The following PPP4R2 variants were observed in gnomAD, a reference collection of about 807,000 sequenced individuals.
PPP4R2 encodes the protein protein phosphatase 4 regulatory subunit 2.
Under a neutral mutation model 47.2 loss-of-function variants are expected in PPP4R2, and 13 were observed. The observed-to-expected ratio is 0.28, with a 90% CI of 0.18 to 0.44. PPP4R2 has a LOEUF of 0.44. PPP4R2 is among the 20% of genes least tolerant of loss of function. PPP4R2 has a pLI of 1.00. For missense variants in PPP4R2, 421 were observed against 491.2 expected, an observed-to-expected ratio of 0.86 and a Z score of 1.35; for synonymous variants, 151 against 163.3, an observed-to-expected ratio of 0.92 and a Z score of 0.57.
chr3:73,049,982 C>T (rs1575878235), intron 3 of PPP4R2, among the ~76,000 whole-genome samples: 1 of 152,000 alleles, frequency 6.6e-6, no homozygotes, highest in Non-Finnish European at 1.5e-5. Context: ...TCTTTGTCAC[C>T]CAGGCTGGAG....
chr3:73,063,844 C>T (rs1247625721), intron 6 of PPP4R2, 97 bp downstream of exon 6: 14 of 1,117,062 alleles, frequency 1.3e-5, no homozygotes, highest in Admixed American at 5.8e-5. Flanking sequence ...ATTTTATGGA[C>T]ACCATAGGAT....
intron 2 of PPP4R2, among the ~76,000 whole-genome samples, chr3:73,032,191 ACTTT>A (rs1269409199): frequency 6.6e-6 from 1 of 152,184 alleles, no homozygotes; most frequent in Non-Finnish European, 1.5e-5. Context: ...AAGTCTGTGT[ACTTT>A]CTTTTATTTC....
chr3:72,998,266 T>G, intron 2 of PPP4R2, 108 bp downstream of exon 2: 1 of 685,180 alleles, frequency 1.5e-6, no homozygotes, highest in Admixed American at 3.1e-5. Flanking sequence ...CATTCTAAAT[T>G]GTAGAAGTCC....
chr3:73,061,071 T>G lies in PPP4R2; in HGVS notation c.419+11T>G. On this transcript the variant is annotated intron_variant, in intron 5 of 8. Transcript: ENST00000356692. ...TTATCCTTCTTCAGAGTAAGTATAT[T>G]TTTTCTATTTCTAGTATATTATTTA... 7 of 1,412,338 alleles carry G rather than the reference T, an allele frequency of 5.0e-6. No homozygotes were observed. The highest frequency in any genetic ancestry group is 6.8e-6 in the Non-Finnish European group (7 of 1,030,110). The allele number at this position is 1,412,338 out of a possible 1,614,324, so 87.5% of individuals were successfully genotyped here.
chr3:73,014,778 G>T, intron 2 of PPP4R2: 188 of 376,442 alleles, frequency 5.0e-4, no homozygotes, highest in East Asian at 9.5e-4. Flanking sequence ...TAAAAAAATT[G>T]CCTGTATCAT....
At chr3:73,003,222 T>G (rs1701519081) in intron 2 of PPP4R2, among the ~76,000 whole-genome samples, 1 of 151,988 alleles carries the variant, frequency 6.6e-6, no homozygotes, top group Non-Finnish European at 1.5e-5. Flanking sequence ...CTTTTGTTTT[T>G]TTTTTTTGAG....
intron 2 of PPP4R2, among the ~76,000 whole-genome samples, chr3:73,006,889 A>G (rs1227594523): frequency 6.6e-6 from 1 of 152,166 alleles, no homozygotes; most frequent in Non-Finnish European, 1.5e-5. Flanking sequence ...TCTCTCTGTC[A>G]CAGATCCCAG....
At chr3:73,031,961 A>G (rs1702172323) in intron 2 of PPP4R2, among the ~76,000 whole-genome samples, 2 of 152,176 alleles carry the variant, frequency 1.3e-5, no homozygotes, top group African/African-American at 2.4e-5. Context: ...ACTAAATATT[A>G]TTATCCCTGT....
At chr3:73,007,352 A>G (rs1430943147) in intron 2 of PPP4R2, among the ~76,000 whole-genome samples, 3 of 152,210 alleles carry the variant, frequency 2.0e-5, no homozygotes, top group African/African-American at 7.2e-5. Context: ...AAGGTGGTTT[A>G]AAAGTAGTTA....
At chr3:73,023,188 T>TG (rs1232255969) in intron 2 of PPP4R2, among the ~76,000 whole-genome samples, 14 of 151,602 alleles carry the variant, frequency 9.2e-5, no homozygotes, top group Admixed American at 3.9e-4. Context: ...TTCCTTTTTT[T>TG]TGTTTTTTTT....
intron 2 of PPP4R2, among the ~76,000 whole-genome samples, chr3:73,002,202 A>G (rs1286716652): frequency 6.6e-6 from 1 of 152,186 alleles, no homozygotes; most frequent in Non-Finnish European, 1.5e-5. Context: ...TTGCTGAATA[A>G]TATACCACAT....
At chr3:73,040,140 A>G (rs1702346646) in intron 2 of PPP4R2, among the ~76,000 whole-genome samples, 1 of 152,196 alleles carries the variant, frequency 6.6e-6, no homozygotes, top group African/African-American at 2.4e-5. Context: ...ACATAAAACA[A>G]GTGTCTTGTG....
chr3:73,047,441 T>TAATG, intron 3 of PPP4R2, 85 bp downstream of exon 3: 2 of 712,954 alleles, frequency 2.8e-6, no homozygotes, highest in African/African-American at 4.7e-5. Context: ...GTCTGGTTGA[T>TAATG]GATTGATTAT....
At chr3:73,015,327 G>A (rs527626507) in intron 2 of PPP4R2, among the ~76,000 whole-genome samples, 2 of 151,822 alleles carry the variant, frequency 1.3e-5, no homozygotes, top group East Asian at 3.9e-4. Context: ...TTACAGGTGT[G>A]TATCATGCCC....
chr3:73,055,330 G>GT, intron 3 of PPP4R2, among the ~76,000 whole-genome samples: 1 of 151,850 alleles, frequency 6.6e-6, no homozygotes, highest in African/African-American at 2.4e-5. Flanking sequence ...AAGTGTACTT[G>GT]TAGAACCCTT....
chr3:73,026,870 G>C (rs893316129), intron 2 of PPP4R2, among the ~76,000 whole-genome samples: 5 of 152,136 alleles, frequency 3.3e-5, no homozygotes, highest in Admixed American at 2.6e-4. Context: ...TTAGAGTATG[G>C]ATTCTGAAGC....
In PPP4R2 at chr3:73,003,999, C is replaced by T. The variant is rs182285046; in HGVS notation, c.116+5841C>T. 4.0e-5 allele frequency among the ~76,000 whole-genome samples: 6 copies of T among 151,270 alleles called. No homozygotes were observed. In the East Asian group the frequency reaches 1.2e-3, roughly 30 times the overall value. ...ACAGGCGTGAGCCACTGTGCCTGGC[C>T]TAACTTTTGTATTTTTAGTAGAGAT... is the stretch of plus-strand genomic sequence containing the variant. On this transcript the variant is annotated intron_variant, in intron 2 of 8. Transcript: ENST00000356692.
At chr3:73,054,240 A>G (rs1702682049) in intron 3 of PPP4R2, among the ~76,000 whole-genome samples, 1 of 152,178 alleles carries the variant, frequency 6.6e-6, no homozygotes, top group Admixed American at 6.5e-5. Flanking sequence ...TTTAATAATG[A>G]TAAGGAACCC....
Position 73,067,689 on chromosome 3 carries a change from T to A in PPP4R2, c.*1967T>A, listed in dbSNP as rs775118417. ...TGTGACCTTTTGATATTTTTTATTT[T>A]AATTGTAGTGCCATGGACCATTTGT... On this transcript the variant is annotated 3_prime_UTR_variant, in exon 9 of 9. Transcript: ENST00000356692. The A allele has an allele frequency of 6.6e-6, 1 of 152,170 alleles. No homozygotes were observed. Among genetic ancestry groups the A allele is most frequent in the Non-Finnish European group, 1.5e-5 (1 of 67,966 alleles). The allele number at this position is 152,170 out of a possible 1,614,324, so 9.4% of individuals were successfully genotyped here.
Sources: gnomAD v4.1 joint callset for allele counts (sites outside exome capture counted in the v4.1 genomes callset) on GRCh38, gnomAD v4.1.1 for gene constraint, MANE v1.5 for transcripts, NCBI Gene and HGNC (gene_info 2026-07-23, HGNC 2026-07-21) for gene names.